The following ZSCAN5A variants were observed in gnomAD, a reference collection of about 807,000 sequenced individuals.
The protein encoded by ZSCAN5A is zinc finger and SCAN domain-containing protein 5A.
Under a neutral mutation model 23.7 loss-of-function variants are expected in ZSCAN5A, and 12 were observed. That is an observed-to-expected ratio of 0.51 (90% CI 0.32 to 0.82). The LOEUF (loss-of-function observed/expected upper bound fraction) is 0.82, where lower values mean the gene tolerates loss of function less well. ZSCAN5A is among the 40% of genes least tolerant of loss of function. The probability of loss-of-function intolerance (pLI) is 0.03; values close to 1 mark genes in which losing one functional copy is unlikely to be tolerated. For synonymous variants in ZSCAN5A, 257 were observed against 239.9 expected (o/e 1.07, Z -0.66); for missense variants, 597 against 617.9 (o/e 0.97, Z 0.36).
intron 2 of ZSCAN5A, among the ~76,000 whole-genome samples, chr19:56,361,788 G>C (rs2041735032): frequency 6.6e-6 from 1 of 152,088 alleles, no homozygotes. Context: ...GTTGATAGGT[G>C]CAGCAAACCA....
intron 2 of ZSCAN5A, among the ~76,000 whole-genome samples, chr19:56,327,180 G>A (rs988049466): frequency 7.2e-5 from 11 of 151,790 alleles, no homozygotes; most frequent in Non-Finnish European, 1.3e-4. Context: ...GTAGTGACAC[G>A]ATCATGGCTC....
intron 2 of ZSCAN5A, among the ~76,000 whole-genome samples, chr19:56,288,442 A>C (rs1025928461): frequency 6.6e-6 from 1 of 152,156 alleles, no homozygotes; most frequent in African/African-American, 2.4e-5. Flanking sequence ...CCGCAAGGTT[A>C]GCAACCATCA....
At position 56,221,652 on chromosome 19, in the gene ZSCAN5A, T is replaced by G. The variant is rs2033178081; in HGVS notation, c.1414A>C (p.Lys472Gln). Reference sequence around the variant, plus strand: ...AGCCGACTGAAGGCTCTTGGACACTTGGAACATTTGTAGGGTTTCTCTCCG... The same window carrying G: ...AGCCGACTGAAGGCTCTTGGACACTGGGAACATTTGTAGGGTTTCTCTCCG... ...HSGEKPYKCS[K>Q]CPRAFSRLKL... The change falls in exon 6 of 6, where the codon AAG (lysine) becomes CAG (glutamine). Residue 472 changes from lysine to glutamine, a missense_variant. Coordinates refer to ENST00000683990, the MANE Select transcript of ZSCAN5A (RefSeq NM_001322064.3). 1 of 1,614,152 alleles carries G rather than the reference T, an allele frequency of 6.2e-7. No individual in the cohort carries two copies. The highest frequency in any genetic ancestry group is 8.5e-7 in the Non-Finnish European group (1 of 1,180,006).
intron 2 of ZSCAN5A, among the ~76,000 whole-genome samples, chr19:56,248,538 G>C (rs2036118271): frequency 6.6e-6 from 1 of 152,038 alleles, no homozygotes; most frequent in African/African-American, 2.4e-5. Context: ...TTACGGGTGT[G>C]AGCCACTGCA....
chr19:56,248,033 A>T (rs545852035), intron 2 of ZSCAN5A, among the ~76,000 whole-genome samples: 1 of 152,332 alleles, frequency 6.6e-6, no homozygotes, highest in South Asian at 2.1e-4. Context: ...TCAGTATTTT[A>T]TAACAAAAAA....
intron 2 of ZSCAN5A, among the ~76,000 whole-genome samples, chr19:56,232,628 A>G (rs1342705659): frequency 1.3e-5 from 2 of 152,002 alleles, no homozygotes; most frequent in Admixed American, 6.6e-5. Context: ...TGTGATCCAC[A>G]CTGAGCTCTT....
In ZSCAN5A at chr19:56,272,254, C is replaced by T. The variant is rs551601723; in HGVS notation, c.-128+41029G>A. ...TGCTTTGTTGTTTTTCTGAAATTTA[C>T]AGTACGTCTAGGACAGGGGTCCACA... is the stretch of plus-strand genomic sequence containing the variant. On this transcript the variant is annotated intron_variant, in intron 2 of 5. Coordinates refer to ENST00000683990, the MANE Select transcript of ZSCAN5A (RefSeq NM_001322064.3). 2.4e-4 allele frequency among the ~76,000 whole-genome samples: 36 copies of T among 152,346 alleles called. No homozygotes were observed. The South Asian group carries it at 6.4e-3, about 27-fold the overall frequency.
intron 4 of ZSCAN5A, among the ~76,000 whole-genome samples, 177 bp from the exon 5 acceptor site, chr19:56,222,918 G>T (rs2033437022): frequency 6.6e-6 from 1 of 152,094 alleles, no homozygotes; most frequent in South Asian, 2.1e-4. Flanking sequence ...TCTCATTTCT[G>T]TGTCTGTCCC....
At chr19:56,366,422 C>CAAAAA (rs34420866) in intron 1 of ZSCAN5A, among the ~76,000 whole-genome samples, 2 of 83,156 alleles carry the variant, frequency 2.4e-5, no homozygotes, top group African/African-American at 3.8e-5. Context: ...GACTCTGTCT[C>CAAAAA]AAAAAAAAAA....
In ZSCAN5A at chr19:56,257,651, C is replaced by T. The variant is rs2036801001; in HGVS notation, c.-127-32478G>A. On this transcript the variant is annotated intron_variant, in intron 2 of 5. Transcript: ENST00000683990. Reference sequence around the variant, plus strand: ...GCTGGGGGACTCTGGAAGCCTTTCACACCTGGCTCCTGCCTCCCACCACTG... The same window carrying T: ...GCTGGGGGACTCTGGAAGCCTTTCATACCTGGCTCCTGCCTCCCACCACTG... 2.0e-5 allele frequency among the ~76,000 whole-genome samples: 3 copies of T among 148,246 alleles called. 1 individual carries two copies. The highest frequency in any genetic ancestry group is 7.6e-5 in the African/African-American group (3 of 39,376).
rs1404101811 is a variant in ZSCAN5A at position 56,295,843 on chromosome 19, C to T, written c.-128+17440G>A. 3.3e-5 allele frequency: 5 copies of T among 153,562 alleles called. 1 individual carries two copies. Among genetic ancestry groups the T allele is most frequent in the African/African-American group, 1.2e-4 (5 of 41,580 alleles). The allele number at this position is 153,562 out of a possible 1,614,324, so 9.5% of individuals were successfully genotyped here. ...TCTGTCTTCTGATGTTGTGATTTTT[C>T]CCTACATGTGGCCTCCTCTTCCACG... On this transcript the variant is annotated intron_variant, in intron 2 of 5. Transcript: ENST00000683990.
At chr19:56,326,645 G>C (rs1403647487) in intron 2 of ZSCAN5A, among the ~76,000 whole-genome samples, 1 of 151,892 alleles carries the variant, frequency 6.6e-6, no homozygotes, top group Non-Finnish European at 1.5e-5. Context: ...TTCAGTACTG[G>C]GCGATTAACT....
chr19:56,324,376 A>G (rs1357361536), intron 2 of ZSCAN5A, among the ~76,000 whole-genome samples: 5 of 152,220 alleles, frequency 3.3e-5, no homozygotes, highest in Admixed American at 2.6e-4. Context: ...GTCAAGAGGT[A>G]TATGAAACTC....
intron 2 of ZSCAN5A, chr19:56,320,531 G>T: frequency 2.3e-6 from 1 of 436,934 alleles, no homozygotes. Flanking sequence ...AGAATCGCTT[G>T]AACCCAGGAG....
intron 2 of ZSCAN5A, among the ~76,000 whole-genome samples, chr19:56,298,922 A>G (rs1326118372): frequency 6.6e-6 from 1 of 152,246 alleles, no homozygotes; most frequent in Non-Finnish European, 1.5e-5. Flanking sequence ...TCATAAATAT[A>G]GATGGAAAAT....
At chr19:56,237,694 C>T (rs960064153) in intron 2 of ZSCAN5A, among the ~76,000 whole-genome samples, 10 of 151,826 alleles carry the variant, frequency 6.6e-5, no homozygotes, top group African/African-American at 1.7e-4. Flanking sequence ...CTGAGACGGG[C>T]GGATCGCTTG....
At chr19:56,234,459 C>T (rs532047846) in intron 2 of ZSCAN5A, among the ~76,000 whole-genome samples, 6 of 151,874 alleles carry the variant, frequency 4.0e-5, no homozygotes, top group Non-Finnish European at 8.8e-5. Context: ...GAGACCCTCT[C>T]ATATTGTTTT....
intron 2 of ZSCAN5A, chr19:56,320,552 C>T: frequency 2.1e-6 from 1 of 468,296 alleles, no homozygotes; most frequent in Non-Finnish European, 3.9e-6. Context: ...GCGGTGATTG[C>T]AGTGAGCCGA....
rs371491455 is a variant in ZSCAN5A, at chr19:56,266,493, C to CCTTTTTTTTTTTTTTTTTTTTTTTT, written c.-127-41321_-127-41320insAAAAAAAAAAAAAAAAAAAAAAAAG. 3.4e-5 allele frequency: 2 copies of CCTTTTTTTTTTTTTTTTTTTTTTTT among 58,002 alleles called. 1 individual carries two copies. The allele number at this position is 58,002 out of a possible 1,614,324, so 3.6% of individuals were successfully genotyped here. ...GCTTTCTGCTTGGGAGATGCCCCCA[C>CCTTTTTTTTTTTTTTTTTTTTTTTT]TTTTTTTTTTTTTTTTTTTTTTGAG... On this transcript the variant is annotated intron_variant, in intron 2 of 5. Coordinates refer to ENST00000683990, the MANE Select transcript of ZSCAN5A (RefSeq NM_001322064.3).
Sources: gnomAD v4.1 joint callset for allele counts (sites outside exome capture counted in the v4.1 genomes callset) on GRCh38, gnomAD v4.1.1 for gene constraint, MANE v1.5 for transcripts, NCBI Gene and HGNC (gene_info 2026-07-23, HGNC 2026-07-21) for gene names.